The following B3GNT2 variants were observed in gnomAD, a reference collection of about 807,000 sequenced individuals.
B3GNT2 encodes the protein N-acetyllactosaminide beta-1,3-N-acetylglucosaminyltransferase 2.
A neutral mutation model predicts 27.6 loss-of-function variants in B3GNT2; 12 were observed. The ratio of observed to expected loss-of-function variants is 0.44; its 90% CI spans 0.28 to 0.71. B3GNT2 has a LOEUF of 0.71. Ranked by LOEUF, B3GNT2 falls within the 30% of genes least tolerant of loss-of-function variation. B3GNT2 has a pLI of 0.17. For missense variants in B3GNT2, 413 were observed against 488.5 expected (o/e 0.85, Z 1.46); for synonymous variants, 192 against 189.7 (o/e 1.01, Z -0.10).
intron 1 of B3GNT2, among the ~76,000 whole-genome samples, chr2:62,207,081 A>G (rs1036723382): frequency 5.9e-5 from 9 of 152,336 alleles, no homozygotes; most frequent in Non-Finnish European, 8.8e-5. Flanking sequence ...AGCATGTTCA[A>G]TGCTTTTTTG....
chr2:62,208,183 A>G (rs1209720304), intron 1 of B3GNT2, among the ~76,000 whole-genome samples: 1 of 151,948 alleles, frequency 6.6e-6, no homozygotes, highest in Admixed American at 6.5e-5. Context: ...AGGAGCCCAC[A>G]TAACAGACAA....
intron 1 of B3GNT2, among the ~76,000 whole-genome samples, chr2:62,207,707 G>T (rs189629377): frequency 6.6e-6 from 1 of 152,332 alleles, no homozygotes; most frequent in Non-Finnish European, 1.5e-5. Context: ...CCTCCTGTGA[G>T]AATCTAATGT....
chr2:62,219,456 G>C (rs1479913687), intron 1 of B3GNT2, among the ~76,000 whole-genome samples: 4 of 152,128 alleles, frequency 2.6e-5, no homozygotes, highest in African/African-American at 9.7e-5. Flanking sequence ...TGTATTTTTA[G>C]TAGAGGCAGG....
chr2:62,218,786 A>G (rs1216432521), intron 1 of B3GNT2, among the ~76,000 whole-genome samples: 1 of 152,264 alleles, frequency 6.6e-6, no homozygotes, highest in African/African-American at 2.4e-5. Flanking sequence ...ATGAGCAGGA[A>G]AATGCCCTGC....
At chr2:62,209,366 T>TA (rs1159654403) in intron 1 of B3GNT2, among the ~76,000 whole-genome samples, 1 of 152,068 alleles carries the variant, frequency 6.6e-6, no homozygotes. Flanking sequence ...GTAAAAGAGA[T>TA]ATTAGAGTGG....
At position 62,223,593 on chromosome 2, in the gene B3GNT2, G is replaced by A. The variant is rs1674766486; in HGVS notation, c.*179G>A. The A allele has an allele frequency of 3.5e-6, 2 of 574,472 alleles. No homozygotes were observed. The highest frequency in any genetic ancestry group is 6.9e-5 in the Admixed American group (2 of 28,852). 35.6% of individuals were successfully genotyped at this position (574,472 alleles called of 1,614,324 possible). On this transcript the variant is annotated 3_prime_UTR_variant, in exon 2 of 2. Transcript: ENST00000301998. ...CACGTGAAGAGGGAAAGCGGAAGAT[G>A]GTAATTTTTTTTTATGGATGATATG...
Position 62,209,287 on chromosome 2 carries a change from A to G in B3GNT2, c.-9-12925A>G, listed in dbSNP as rs376510202. Among the ~76,000 whole-genome samples the G allele has an allele frequency of 2.1e-4, 32 of 152,168 alleles. No homozygotes were observed. The South Asian group carries it at 6.5e-3, about 31-fold the overall frequency. On this transcript the variant is annotated intron_variant, in intron 1 of 1. Transcript: ENST00000301998. ...CAGTCCCCTGGGACACGTGGTAGTA[A>G]TCCTGGTTCTCTTCCCCAGGGCAGC... is the stretch of plus-strand genomic sequence containing the variant.
intron 1 of B3GNT2, among the ~76,000 whole-genome samples, chr2:62,198,004 T>C (rs1433989578): frequency 6.6e-6 from 1 of 152,274 alleles, no homozygotes; most frequent in African/African-American, 2.4e-5. Flanking sequence ...CCCATAGGGC[T>C]GTACTTGAGT....
Position 62,223,059 on chromosome 2 carries a change from G to T in B3GNT2, c.839G>T (p.Gly280Val). The T allele has an allele frequency of 6.2e-7, 1 of 1,614,200 alleles. No individual in the cohort carries two copies. Among genetic ancestry groups the T allele is most frequent in the Admixed American group, 1.7e-5 (1 of 60,024 alleles). Residue 280 changes from glycine to valine, a missense_variant, in exon 2 of 2, where the codon GGA (glycine) becomes GTA (valine). Coordinates refer to ENST00000301998, the MANE Select transcript of B3GNT2 (RefSeq NM_006577.6). The part of the protein sequence containing the change: ...LFIGDVIHNA[G>V]PHRDKKLKYY... ...ATAGGTGATGTGATCCACAATGCTG[G>T]ACCTCATCGGGATAAGAAGCTGAAG...
At chr2:62,197,254 G>A (rs1245508880) in intron 1 of B3GNT2, among the ~76,000 whole-genome samples, 2 of 152,148 alleles carry the variant, frequency 1.3e-5, no homozygotes, top group South Asian at 2.1e-4. Flanking sequence ...GGACCCTTCT[G>A]GAGGCAATAA....
In B3GNT2 at chr2:62,222,152, T is replaced by G; in HGVS notation, c.-9-60T>G. 7.1e-7 allele frequency: 1 copy of G among 1,400,550 alleles called. No individual in the cohort carries two copies. The highest frequency in any genetic ancestry group is 1.4e-5 in the South Asian group (1 of 71,220). 86.8% of individuals were successfully genotyped at this position (1,400,550 alleles called of 1,614,324 possible). The stretch of plus-strand genomic sequence containing the variant: ...TTCCTGGGGAGACAGGTAAAATAAA[T>G]TGTATGTGCAAATGCAAATTGATAA... On this transcript the variant is annotated intron_variant, in intron 1 of 1. Transcript: ENST00000301998. The surrounding 1 kb of genome is among the most constrained non-coding windows in gnomAD (Gnocchi z 4.2).
intron 1 of B3GNT2, among the ~76,000 whole-genome samples, chr2:62,216,624 G>A (rs559800941): frequency 4.3e-4 from 65 of 151,946 alleles, no homozygotes; most frequent in African/African-American, 1.4e-3. Flanking sequence ...GGTTGGTCTC[G>A]AACTCCTGGG....
rs1348183578 is a variant in B3GNT2 at position 62,224,459 on chromosome 2, T to C, written c.*1045T>C. On this transcript the variant is annotated 3_prime_UTR_variant, in exon 2 of 2. Transcript: ENST00000301998. ...TATATTTTATGTAATATTTTATTTG[T>C]ATACAGTGTTGTTGATGAAATATTT... 1 of 167,078 alleles carries C rather than the reference T, an allele frequency of 6.0e-6. No individual in the cohort carries two copies. The highest frequency in any genetic ancestry group is 1.9e-4 in the East Asian group (1 of 5,206). The allele number at this position is 167,078 out of a possible 1,614,324, so 10.3% of individuals were successfully genotyped here. A position where few individuals can be genotyped will look rare whatever the true frequency, so the allele number is the denominator to read the frequency against.
At chr2:62,200,227 G>C (rs1674241031) in intron 1 of B3GNT2, among the ~76,000 whole-genome samples, 2 of 151,866 alleles carry the variant, frequency 1.3e-5, no homozygotes, top group Non-Finnish European at 2.9e-5. Flanking sequence ...TTTAGCTTTA[G>C]GTATTTTCAT....
chr2:62,217,548 A>C (rs1674600322), intron 1 of B3GNT2, among the ~76,000 whole-genome samples: 1 of 152,206 alleles, frequency 6.6e-6, no homozygotes, highest in Admixed American at 6.5e-5. Context: ...GTGTGCAGGT[A>C]ATAGGGATGG....
intron 1 of B3GNT2, among the ~76,000 whole-genome samples, chr2:62,196,979 C>G (rs764907138): frequency 6.6e-6 from 1 of 152,138 alleles, no homozygotes; most frequent in Non-Finnish European, 1.5e-5. Flanking sequence ...TCTCCGGCTC[C>G]CCCAAAACTG....
chr2:62,200,887 G>A (rs1488930401), intron 1 of B3GNT2, among the ~76,000 whole-genome samples: 2 of 152,110 alleles, frequency 1.3e-5, no homozygotes, highest in African/African-American at 4.8e-5. Context: ...GTGTGACTAC[G>A]GACAAGTTAT....
At chr2:62,214,523 T>C (rs1052976991) in intron 1 of B3GNT2, among the ~76,000 whole-genome samples, 24 of 152,160 alleles carry the variant, frequency 1.6e-4, no homozygotes, top group African/African-American at 5.1e-4. Context: ...AGCTAATATC[T>C]GGAGTTAGTT....
intron 1 of B3GNT2, among the ~76,000 whole-genome samples, chr2:62,218,765 T>C (rs1025870566): frequency 2.6e-5 from 4 of 152,194 alleles, no homozygotes; most frequent in African/African-American, 7.2e-5. Flanking sequence ...TGGCATCCCG[T>C]GCAATGAGAA....
Sources: allele counts gnomAD v4.1 joint callset (sites outside exome capture counted in the v4.1 genomes callset), GRCh38; gene constraint gnomAD v4.1.1; non-coding constraint Gnocchi (gnomAD v3.1); transcripts MANE v1.5; gene names NCBI Gene and HGNC (gene_info 2026-07-23, HGNC 2026-07-21).